Variants in MOB1B observed in about 807,000 individuals in gnomAD.
MOB1B encodes MOB kinase activator 1B, also known as MOB1 Mps One Binder homolog B.
Under a neutral mutation model 24.4 loss-of-function variants are expected in MOB1B, and 19 were observed. The observed-to-expected ratio is 0.78, with a 90% CI of 0.54 to 1.14. The LOEUF is 1.14. Among genes scored for constraint, MOB1B ranks in the 50% most tolerant of loss-of-function variants. The pLI is 0.00. For missense variants in MOB1B, 243 were observed against 259.6 expected, an observed-to-expected ratio of 0.94 and a Z score of 0.44; for synonymous variants, 76 against 82.1, an observed-to-expected ratio of 0.93 and a Z score of 0.40.
In MOB1B at chr4:70,958,953, G is replaced by T. The variant is rs747885745; in HGVS notation, c.94G>T (p.Ala32Ser). 3 of 1,613,744 alleles carry T rather than the reference G, an allele frequency of 1.9e-6. No homozygotes were observed. The highest frequency in any genetic ancestry group is 2.5e-6 in the Non-Finnish European group (3 of 1,179,950). ...TCACCAGTATGAGCTCTTAAAACAC[G>T]CAGAAGCCACACTTGGCAGTGGCAA... ...GSHQYELLKH[A>S]EATLGSGNLR... Residue 32 changes from alanine to serine, a missense_variant, in exon 2 of 6, where the codon GCA (alanine) becomes TCA (serine). Physicochemically the swap from Ala to Ser is moderately conservative, Grantham distance 99. Transcript: ENST00000309395.
Position 70,976,768 on chromosome 4 carries a change from ATATATATCTCTCTC to A in MOB1B, c.409+1484_409+1497del, listed in dbSNP as rs111421089. On this transcript the variant is annotated intron_variant, in intron 4 of 5. Coordinates refer to ENST00000309395, the MANE Select transcript of MOB1B (RefSeq NM_173468.4). Reference sequence around the variant, plus strand: ...GACTGAATTACATATATATATATATATATATATCTCTCTCTCTCAATCATAAGGGTTGGATGAGT... The same window carrying A: ...GACTGAATTACATATATATATATATATCTCAATCATAAGGGTTGGATGAGT... The A allele has an allele frequency of 1.8e-4, 38 of 215,732 alleles. 5 individuals carry two copies. Among genetic ancestry groups the A allele is most frequent in the African/African-American group, 9.1e-4 (34 of 37,264 alleles). The allele number at this position is 215,732 out of a possible 1,614,324, so 13.4% of individuals were successfully genotyped here. A position where few individuals can be genotyped will look rare whatever the true frequency, so the allele number is the denominator to read the frequency against.
intron 1 of MOB1B, among the ~76,000 whole-genome samples, chr4:70,911,271 A>G (rs1212262748): frequency 1.3e-5 from 2 of 152,012 alleles, no homozygotes; most frequent in African/African-American, 4.8e-5. Flanking sequence ...TTATCTGACA[A>G]CAAAAAAGGA....
At chr4:70,902,323 A>C, upstream of MOB1B, 1 of 642,064 alleles carries the variant, frequency 1.6e-6, no homozygotes, top group Non-Finnish European at 2.8e-6. Flanking sequence ...CCTCCCCTGG[A>C]GTGATTCAAG....
At chr4:70,976,541 C>T in intron 4 of MOB1B, 6 of 984,768 alleles carry the variant, frequency 6.1e-6, no homozygotes, top group Non-Finnish European at 7.2e-6. Flanking sequence ...ATGTTTTTGC[C>T]TTCTCAAACT....
At chr4:70,925,086 C>G (rs1476246801) in intron 1 of MOB1B, among the ~76,000 whole-genome samples, 1 of 152,100 alleles carries the variant, frequency 6.6e-6, no homozygotes, top group African/African-American at 2.4e-5. Flanking sequence ...CTCTGTAACT[C>G]AGGCCAGAGT....
intron 1 of MOB1B, among the ~76,000 whole-genome samples, chr4:70,928,060 A>G (rs1393751026): frequency 1.3e-5 from 2 of 152,046 alleles, no homozygotes; most frequent in South Asian, 2.1e-4. Flanking sequence ...TCAGGAGCCA[A>G]CTTTTTCCCT....
At chr4:70,902,615 C>T in intron 1 of MOB1B, 65 bp downstream of exon 1, 5 of 1,457,182 alleles carry the variant, frequency 3.4e-6, no homozygotes, top group Middle Eastern at 2.2e-4. Flanking sequence ...GCCCGCCGCC[C>T]GCCGCCCGTC....
At chr4:70,938,237 G>A (rs908955109) in intron 1 of MOB1B, among the ~76,000 whole-genome samples, 15 of 141,072 alleles carry the variant, frequency 1.1e-4, no homozygotes, top group African/African-American at 3.7e-4. Context: ...GGATGATATA[G>A]CTAGGTTATT....
chr4:70,955,237 T>C (rs952762813), intron 1 of MOB1B, among the ~76,000 whole-genome samples: 7 of 152,176 alleles, frequency 4.6e-5, no homozygotes, highest in Non-Finnish European at 8.8e-5. Flanking sequence ...CAGACACAGC[T>C]GAGGTCCTTG....
intron 1 of MOB1B, among the ~76,000 whole-genome samples, chr4:70,942,317 AAATATTT>A (rs774263105): frequency 4.3e-4 from 65 of 152,070 alleles, no homozygotes; most frequent in South Asian, 6.2e-4. Flanking sequence ...GTGGTCTATT[AAATATTT>A]AATATTTAAT....
chr4:70,946,084 C>CTTTTTTTTTTTTT, intron 1 of MOB1B, among the ~76,000 whole-genome samples: 1 of 85,394 alleles, frequency 1.2e-5, no homozygotes, highest in Non-Finnish European at 2.4e-5. Flanking sequence ...TTTGTTTGTT[C>CTTTTTTTTTTTTT]TTTTTTTTTT....
At chr4:70,907,587 T>C (rs1183694002) in intron 1 of MOB1B, among the ~76,000 whole-genome samples, 3 of 152,146 alleles carry the variant, frequency 2.0e-5, no homozygotes, top group African/African-American at 4.8e-5. Context: ...CCCCAGCACT[T>C]TGGGAGACTG....
chr4:70,950,174 G>A (rs1030570881), intron 1 of MOB1B, among the ~76,000 whole-genome samples: 35 of 152,114 alleles, frequency 2.3e-4, no homozygotes, highest in African/African-American at 8.4e-4. Context: ...TGTGGCTCAC[G>A]CCTGTAATCC....
intron 1 of MOB1B, among the ~76,000 whole-genome samples, chr4:70,920,994 T>A (rs55856592): frequency 0.035 from 5,262 of 152,168 alleles, 307 homozygotes; most frequent in African/African-American, 0.12. Flanking sequence ...AAAATAACCA[T>A]TCGCGGAACC....
intron 1 of MOB1B, among the ~76,000 whole-genome samples, chr4:70,926,351 G>T (rs1220857164): frequency 5.3e-5 from 8 of 151,526 alleles, no homozygotes; most frequent in Admixed American, 4.6e-4. Flanking sequence ...CAGAGTCTTT[G>T]GTCTGTCACT....
In MOB1B at chr4:70,981,985, C is replaced by A; in HGVS notation, c.579C>A (p.Phe193Leu). ...TTTCTTTATATCATGCATAGGAATT[C>A]AACCTTATTGATAGAAGAGAACTTG... ...FKHFIFFVQE[F>L]NLIDRRELAP... is the part of the protein sequence containing the mutation. Residue 193 changes from phenylalanine (F) to leucine (L), a missense_variant, in exon 6 of 6, where the codon TTC (phenylalanine) becomes TTA (leucine). Phe to Leu is a conservative substitution (Grantham distance 22). Transcript: ENST00000309395. 6.2e-7 allele frequency: 1 copy of A among 1,604,418 alleles called. No homozygotes were observed. Among genetic ancestry groups the A allele is most frequent in the South Asian group, 1.1e-5 (1 of 90,666 alleles).
intron 3 of MOB1B, among the ~76,000 whole-genome samples, chr4:70,971,622 G>A (rs1351867521): frequency 6.6e-6 from 1 of 152,150 alleles, no homozygotes; most frequent in Non-Finnish European, 1.5e-5. Flanking sequence ...AGGAACGGGG[G>A]CATTTAGAAA....
intron 4 of MOB1B, chr4:70,976,143 C>G: frequency 2.3e-6 from 2 of 877,966 alleles, no homozygotes; most frequent in Non-Finnish European, 2.7e-6. Flanking sequence ...CTCAAGTGAT[C>G]TACCCACCTC....
At chr4:70,942,954 G>T (rs929571570) in intron 1 of MOB1B, 9 of 301,154 alleles carry the variant, frequency 3.0e-5, no homozygotes, top group African/African-American at 2.0e-4. Context: ...ATGTAGCTCA[G>T]AAATATATCT....
Sources: allele counts gnomAD v4.1 joint callset (sites outside exome capture counted in the v4.1 genomes callset), GRCh38; gene constraint gnomAD v4.1.1; transcripts MANE v1.5; gene names NCBI Gene and HGNC (gene_info 2026-07-23, HGNC 2026-07-21).